The following NFS1 variants were observed in gnomAD, a reference collection of about 807,000 sequenced individuals.
NFS1 encodes cysteine desulfurase.
A neutral mutation model predicts 57.3 loss-of-function variants in NFS1; 26 were observed. The observed-to-expected ratio is 0.45, with a 90% CI of 0.33 to 0.63. The LOEUF (loss-of-function observed/expected upper bound fraction) is 0.63, where lower values mean the gene tolerates loss of function less well. Ranked by LOEUF, NFS1 falls within the 20% of genes least tolerant of loss-of-function variation. The pLI is 0.02. For missense variants in NFS1, 505 were observed against 605.8 expected (o/e 0.83, Z 1.75); for synonymous variants, 209 against 216.3 (o/e 0.97, Z 0.30).
At chr20:35,693,541 TAA>T in intron 4 of NFS1, among the ~76,000 whole-genome samples, 1 of 152,106 alleles carries the variant, frequency 6.6e-6, no homozygotes, top group South Asian at 2.1e-4. Flanking sequence ...AACAGCAGAA[TAA>T]AAAGCCAGGT....
intron 12 of NFS1, among the ~76,000 whole-genome samples, chr20:35,671,196 T>G (rs909177239): frequency 2.6e-5 from 4 of 152,166 alleles, no homozygotes; most frequent in African/African-American, 9.6e-5. Flanking sequence ...CTCTGCCTCC[T>G]GGGTTCACGC....
chr20:35,685,190 G>A (rs2034918238), intron 5 of NFS1, among the ~76,000 whole-genome samples: 1 of 151,760 alleles, frequency 6.6e-6, no homozygotes, highest in African/African-American at 2.4e-5. Context: ...CTGGCCAAGG[G>A]AGACCCTGTC....
intron 5 of NFS1, among the ~76,000 whole-genome samples, chr20:35,686,229 G>T (rs1290425786): frequency 6.7e-6 from 1 of 150,228 alleles, no homozygotes; most frequent in Non-Finnish European, 1.5e-5. Flanking sequence ...AAAGTGCTGG[G>T]ATTACAGCTA....
chr20:35,693,926 C>G (rs1015041523), intron 4 of NFS1, among the ~76,000 whole-genome samples: 12 of 151,606 alleles, frequency 7.9e-5, no homozygotes, highest in African/African-American at 2.9e-4. Context: ...CACGCCACTG[C>G]ACTCCAGCCT....
chr20:35,697,548 G>C, intron 3 of NFS1, 136 bp downstream of exon 3: 1 of 591,574 alleles, frequency 1.7e-6, no homozygotes, highest in Non-Finnish European at 3.0e-6. Context: ...CAAACTCCAA[G>C]GCTGCTCTTT....
intron 6 of NFS1, among the ~76,000 whole-genome samples, chr20:35,681,635 T>A (rs757897576): frequency 6.6e-6 from 1 of 151,952 alleles, no homozygotes; most frequent in Admixed American, 6.6e-5. Context: ...AGTGAGGAGG[T>A]TGCAGGGAGC....
At chr20:35,691,959 G>A (rs2035048513) in intron 4 of NFS1, among the ~76,000 whole-genome samples, 1 of 151,702 alleles carries the variant, frequency 6.6e-6, no homozygotes, top group South Asian at 2.1e-4. Context: ...GAGAAGGGAG[G>A]GTCACCTAAG....
At chr20:35,696,494 GT>G in intron 3 of NFS1, 34 bp from the exon 4 acceptor site, 1 of 1,541,734 alleles carries the variant, frequency 6.5e-7, no homozygotes, top group Non-Finnish European at 9.0e-7. Context: ...TATAACATCA[GT>G]TCCCCAGGCA....
At chr20:35,677,166 T>G (rs906294170) in intron 7 of NFS1, among the ~76,000 whole-genome samples, 1 of 152,164 alleles carries the variant, frequency 6.6e-6, no homozygotes, top group East Asian at 1.9e-4. Context: ...CACCTGGCTG[T>G]CTGTGCACTT....
At chr20:35,686,609 G>T (rs995823849) in intron 5 of NFS1, among the ~76,000 whole-genome samples, 2 of 152,018 alleles carry the variant, frequency 1.3e-5, no homozygotes, top group African/African-American at 4.8e-5. Flanking sequence ...CATGTCAAAG[G>T]AAATGGGAAA....
At chr20:35,691,217 T>C (rs2035034128) in intron 4 of NFS1, among the ~76,000 whole-genome samples, 2 of 152,042 alleles carry the variant, frequency 1.3e-5, no homozygotes, top group African/African-American at 4.8e-5. Context: ...GCAGTGAAAA[T>C]GTGTTTAGAG....
chr20:35,696,106 C>CA lies in NFS1; in HGVS notation c.408+270dup, dbSNP rs748890984. On this transcript the variant is annotated intron_variant, in intron 4 of 12. Transcript: ENST00000374092. ...TCCACTCTCTGAAGTAACTGCCAGA[C>CA]AAAAAAAAAACAAGTGGTTAATGGC... 5.0e-3 allele frequency among the ~76,000 whole-genome samples: 725 copies of CA among 145,302 alleles called. 2 individuals are homozygous for CA. The highest frequency in any genetic ancestry group is 0.013 in the East Asian group (67 of 5,010).
At chr20:35,682,882 T>A in intron 5 of NFS1, 1 of 156,522 alleles carries the variant, frequency 6.4e-6, no homozygotes, top group South Asian at 1.8e-4. Context: ...ATCAAGACCA[T>A]CCTGGCTAAC....
intron 7 of NFS1, among the ~76,000 whole-genome samples, chr20:35,676,643 T>A (rs6060548): frequency 0.068 from 10,234 of 151,322 alleles, 424 homozygotes; most frequent in South Asian, 0.18. Context: ...GAGTACAGTA[T>A]GCTATCATCT....
chr20:35,685,075 C>T (rs971109411), intron 5 of NFS1, among the ~76,000 whole-genome samples: 4 of 151,512 alleles, frequency 2.6e-5, no homozygotes, highest in Middle Eastern at 3.2e-3. Flanking sequence ...TTAGTAGAGA[C>T]GGGGTTTTAC....
At chr20:35,689,544 G>A (rs1210104509) in intron 5 of NFS1, among the ~76,000 whole-genome samples, 2 of 152,098 alleles carry the variant, frequency 1.3e-5, no homozygotes, top group East Asian at 1.9e-4. Flanking sequence ...CGAAGTGGGT[G>A]GATCACGAGG....
chr20:35,674,749 A>C (rs935662975), intron 8 of NFS1, 132 bp from the exon 9 acceptor site: 8 of 749,612 alleles, frequency 1.1e-5, no homozygotes, highest in Non-Finnish European at 1.8e-5. Flanking sequence ...ACTCATGGGG[A>C]CCACTGTATC....
chr20:35,697,723 A>G lies in NFS1; in HGVS notation c.285T>C (p.Tyr95=). ...YGNPHSRTHA[Y]GWESEAAMER... ...CCATGGCTGCCTCACTCTCCCAGCC[A>G]TAAGCATGTGTCCGGGAGTGTGGGT... Residue 95 remains tyrosine, a synonymous_variant, in exon 3 of 13, where the codon TAT becomes TAC. Coordinates refer to ENST00000374092, the MANE Select transcript of NFS1 (RefSeq NM_021100.5). The G allele has an allele frequency of 6.2e-7, 1 of 1,614,006 alleles. No individual in the cohort carries two copies. Among genetic ancestry groups the G allele is most frequent in the South Asian group, 1.1e-5 (1 of 91,050 alleles).
At chr20:35,686,313 G>GCC (rs2034943082) in intron 5 of NFS1, among the ~76,000 whole-genome samples, 1 of 135,972 alleles carries the variant, frequency 7.4e-6, no homozygotes, top group Non-Finnish European at 1.5e-5. Context: ...GCATGCCATT[G>GCC]CACTCCAGCC....
Sources: gnomAD v4.1 joint callset for allele counts (sites outside exome capture counted in the v4.1 genomes callset) on GRCh38, gnomAD v4.1.1 for gene constraint, MANE v1.5 for transcripts, NCBI Gene and HGNC (gene_info 2026-07-23, HGNC 2026-07-21) for gene names.